POLK: variants seen among roughly 807,000 people sequenced by gnomAD.
POLK encodes the protein polymerase (DNA directed) kappa.
POLK carries 76 observed loss-of-function variants against 94.0 expected under a neutral mutation model. The observed-to-expected ratio is 0.81, with a 90% CI of 0.67 to 0.98. The LOEUF is 0.98. Ranked by LOEUF, POLK falls within the 50% of genes least tolerant of loss-of-function variation. The pLI is 0.00. For synonymous variants in POLK, 349 were observed against 325.4 expected (o/e 1.07, Z -0.78); for missense variants, 954 against 1,010.1 (o/e 0.94, Z 0.75).
intron 3 of POLK, among the ~76,000 whole-genome samples, chr5:75,555,383 A>G (rs1290880178): frequency 1.3e-5 from 2 of 152,084 alleles, no homozygotes; most frequent in Admixed American, 1.3e-4. Flanking sequence ...CCAGAATGTC[A>G]TATATTAGAA....
rs779292513 is a variant in POLK, at chr5:75,590,345, A to G, written c.1261A>G (p.Thr421Ala). ...CCAAAATTATTCTTGTCTTTCTAGG[A>G]CATTCAGTGAGATAAATAAAGCGGA... Residue 421 changes from threonine (T) to alanine (A), a missense_variant and splice_region_variant, in exon 11 of 15, where the codon ACA becomes GCA. Coordinates refer to ENST00000241436, the Ensembl canonical transcript of POLK. The G allele has an allele frequency of 1.9e-5, 29 of 1,558,078 alleles. No individual in the cohort carries two copies. Among genetic ancestry groups the G allele is most frequent in the Middle Eastern group, 3.4e-4 (2 of 5,860 alleles).
chr5:75,539,011 A>G (rs1769598612), intron 1 of POLK, among the ~76,000 whole-genome samples: 1 of 152,134 alleles, frequency 6.6e-6, no homozygotes, highest in African/African-American at 2.4e-5. Context: ...ACCTCAGGTG[A>G]TCCACCCGCC....
chr5:75,520,988 A>C (rs1398564735), intron 1 of POLK, among the ~76,000 whole-genome samples: 1 of 151,174 alleles, frequency 6.6e-6, no homozygotes, highest in African/African-American at 2.4e-5. Flanking sequence ...GTTGCCAAAC[A>C]AATTGAAGCT....
chr5:75,572,796 A>G (rs1295125657), intron 4 of POLK, among the ~76,000 whole-genome samples: 7 of 152,202 alleles, frequency 4.6e-5, no homozygotes. Context: ...AGAAATGCAA[A>G]TCAAAACCAC....
chr5:75,574,254 C>T (rs1272306283), intron 5 of POLK, among the ~76,000 whole-genome samples: 1 of 152,036 alleles, frequency 6.6e-6, no homozygotes, highest in East Asian at 1.9e-4. Flanking sequence ...AACCTATTGT[C>T]TGAATAATTA....
intron 3 of POLK, among the ~76,000 whole-genome samples, chr5:75,561,240 T>A (rs1390984959): frequency 6.6e-6 from 1 of 152,222 alleles, no homozygotes; most frequent in East Asian, 1.9e-4. Flanking sequence ...ATTGTGGTTT[T>A]GATTTGCGTT....
intron 1 of POLK, among the ~76,000 whole-genome samples, chr5:75,536,602 G>T (rs1769456489): frequency 6.6e-6 from 1 of 151,878 alleles, no homozygotes; most frequent in Admixed American, 6.6e-5. Flanking sequence ...AGTGGTGGGG[G>T]TGGGTGGAGG....
chr5:75,589,855 C>T (rs1204813654), intron 10 of POLK, among the ~76,000 whole-genome samples: 1 of 152,164 alleles, frequency 6.6e-6, no homozygotes, highest in East Asian at 1.9e-4. Context: ...TTAATCTTAT[C>T]AGCCTTCTAT....
intron 1 of POLK, among the ~76,000 whole-genome samples, chr5:75,523,203 A>G (rs1768668400): frequency 2.0e-5 from 3 of 152,070 alleles, no homozygotes; most frequent in Non-Finnish European, 4.4e-5. Flanking sequence ...GCATTTAAAA[A>G]TAGAAAATAT....
intron 12 of POLK, among the ~76,000 whole-genome samples, chr5:75,595,056 G>T (rs1408037211): frequency 6.6e-6 from 1 of 152,032 alleles, no homozygotes; most frequent in African/African-American, 2.4e-5. Flanking sequence ...TTCAAGACCA[G>T]CCTGGCCAAC....
intron 1 of POLK, among the ~76,000 whole-genome samples, chr5:75,537,491 T>C (rs1402668363): frequency 6.6e-6 from 1 of 152,220 alleles, no homozygotes; most frequent in Non-Finnish European, 1.5e-5. Context: ...CTCAACGTTG[T>C]TTCTCAGATG....
upstream of POLK, chr5:75,511,744 C>G (rs968539910): frequency 1.3e-6 from 2 of 1,550,316 alleles, no homozygotes; most frequent in Non-Finnish European, 1.7e-6. Flanking sequence ...TCGGGATCCT[C>G]CTCCCGAACC....
At chr5:75,605,461 T>C (rs1206752008), downstream of POLK, among the ~76,000 whole-genome samples, 1 of 152,122 alleles carries the variant, frequency 6.6e-6, no homozygotes, top group Admixed American at 6.6e-5. Flanking sequence ...TAGGATCAAA[T>C]CTAGTTCTCT....
intron 1 of POLK, among the ~76,000 whole-genome samples, chr5:75,540,156 A>G (rs1769665141): frequency 6.6e-6 from 1 of 151,766 alleles, no homozygotes; most frequent in African/African-American, 2.4e-5. Context: ...AGCTTATACA[A>G]CTCTTTTTGA....
intron 1 of POLK, among the ~76,000 whole-genome samples, chr5:75,525,291 TAAAG>T (rs1768782699): frequency 6.6e-6 from 1 of 152,080 alleles, no homozygotes; most frequent in African/African-American, 2.4e-5. Flanking sequence ...TGTATCATTA[TAAAG>T]AAAGGAAATC....
chr5:75,525,523 G>C lies in POLK; in HGVS notation c.-14+13609G>C, dbSNP rs74726702. 2.1e-3 allele frequency among the ~76,000 whole-genome samples: 316 copies of C among 152,240 alleles called. 1 individual carries two copies. In the East Asian group the frequency reaches 0.027, roughly 13 times the overall value. The stretch of plus-strand genomic sequence containing the variant: ...ACAACAACAACAACAGAAAAGGAAA[G>C]TCAGGTACCTGTGGAACAACAGCAA... On this transcript the variant is annotated intron_variant, in intron 1 of 14. Transcript: ENST00000241436.
At chr5:75,569,278 TG>T in intron 3 of POLK, 61 bp from the exon 4 acceptor site, 2 of 1,070,154 alleles carry the variant, frequency 1.9e-6, no homozygotes, top group Non-Finnish European at 2.7e-6. Context: ...ATTAATGTTG[TG>T]GTTAATGGTG....
At chr5:75,554,550 A>G (rs894393527) in intron 3 of POLK, among the ~76,000 whole-genome samples, 2 of 151,976 alleles carry the variant, frequency 1.3e-5, no homozygotes, top group African/African-American at 4.8e-5. Context: ...GGTTTGTTAT[A>G]TAAATAAACT....
chr5:75,540,108 T>C (rs1472417298), intron 1 of POLK, among the ~76,000 whole-genome samples: 1 of 152,144 alleles, frequency 6.6e-6, no homozygotes, highest in Non-Finnish European at 1.5e-5. Context: ...AAGGGGACAA[T>C]TGAAAGGATC....
Sources: gnomAD v4.1 joint callset for allele counts (sites outside exome capture counted in the v4.1 genomes callset) on GRCh38, gnomAD v4.1.1 for gene constraint, MANE v1.5 for transcripts, NCBI Gene and HGNC (gene_info 2026-07-23, HGNC 2026-07-21) for gene names.